Variants in CFAP91 observed in about 807,000 individuals in gnomAD.
The protein encoded by CFAP91 is cilia and flagella associated protein 91.
In CFAP91, 85 loss-of-function variants were observed where a neutral mutation model predicts 95.9. The ratio of observed to expected loss-of-function variants is 0.89; its 90% CI spans 0.74 to 1.06. The LOEUF is 1.06. CFAP91 is among the 50% of genes least tolerant of loss of function. CFAP91 has a pLI of 0.00. For missense variants in CFAP91, 962 were observed against 943.4 expected (o/e 1.02, Z -0.26); for synonymous variants, 335 against 327.5 (o/e 1.02, Z -0.25).
intron 6 of CFAP91, among the ~76,000 whole-genome samples, chr3:119,716,146 T>C (rs1343639065): frequency 6.6e-6 from 1 of 152,246 alleles, no homozygotes; most frequent in Non-Finnish European, 1.5e-5. Context: ...TGCCAAAATA[T>C]CTTAATTTAC....
At chr3:119,736,616 T>C (rs569326126) in intron 10 of CFAP91, among the ~76,000 whole-genome samples, 29 of 152,246 alleles carry the variant, frequency 1.9e-4, no homozygotes, top group Admixed American at 1.8e-3. Flanking sequence ...TTCTGGACAT[T>C]TCATATACAT....
intron 13 of CFAP91, among the ~76,000 whole-genome samples, chr3:119,741,784 A>G (rs1488598938): frequency 6.6e-6 from 1 of 152,198 alleles, no homozygotes; most frequent in Admixed American, 6.5e-5. Context: ...GGAGTCGGGC[A>G]CAAATGGTAA....
chr3:119,704,700 A>G (rs1466982452), intron 1 of CFAP91, among the ~76,000 whole-genome samples: 1 of 152,234 alleles, frequency 6.6e-6, no homozygotes, highest in Non-Finnish European at 1.5e-5. Context: ...CTTTCTATGT[A>G]TAATCAAGCC....
chr3:119,759,011 G>T (rs1041530177), intron 17 of CFAP91, among the ~76,000 whole-genome samples: 1 of 151,924 alleles, frequency 6.6e-6, no homozygotes, highest in East Asian at 1.9e-4. Flanking sequence ...GTGAAAATTT[G>T]TTTTCTCTTT....
chr3:119,759,733 C>T (rs1433537993), intron 17 of CFAP91, among the ~76,000 whole-genome samples: 2 of 151,862 alleles, frequency 1.3e-5, no homozygotes, highest in Non-Finnish European at 2.9e-5. Flanking sequence ...ATTGAAAACA[C>T]ACGTGTTGAG....
At chr3:119,705,236 A>G (rs763947289) in intron 1 of CFAP91, among the ~76,000 whole-genome samples, 1 of 152,274 alleles carries the variant, frequency 6.6e-6, no homozygotes, top group Admixed American at 6.5e-5. Flanking sequence ...AATTTAAGTT[A>G]GAAATTTAAG....
chr3:119,764,754 T>G (rs551868854), intron 17 of CFAP91, among the ~76,000 whole-genome samples: 2 of 152,292 alleles, frequency 1.3e-5, no homozygotes, highest in Non-Finnish European at 2.9e-5. Context: ...AAAAGAGATT[T>G]ACCTTTCTCA....
At chr3:119,752,778 G>A (rs914266001) in intron 17 of CFAP91, among the ~76,000 whole-genome samples, 4 of 152,062 alleles carry the variant, frequency 2.6e-5, no homozygotes, top group African/African-American at 4.8e-5. Flanking sequence ...CTTAGTGAAA[G>A]TAAAATATAT....
chr3:119,708,264 C>CAAA (rs11346330), intron 3 of CFAP91, among the ~76,000 whole-genome samples: 1,884 of 111,788 alleles, frequency 0.017, 19 homozygotes, highest in Middle Eastern at 0.057. Flanking sequence ...GACTCTGTCT[C>CAAA]AAAAAAAAAA....
intron 9 of CFAP91, 116 bp from the exon 10 acceptor site, chr3:119,733,248 C>A: frequency 9.3e-6 from 9 of 968,272 alleles, no homozygotes; most frequent in Non-Finnish European, 1.4e-5. Context: ...ATGAGATACA[C>A]CCTCTCAACA....
intron 15 of CFAP91, 35 bp downstream of exon 15, chr3:119,747,298 G>T: frequency 6.3e-7 from 1 of 1,588,074 alleles, no homozygotes; most frequent in Non-Finnish European, 8.6e-7. Context: ...AGAATGGACA[G>T]CCCATTTGCT....
chr3:119,740,468 C>A, intron 12 of CFAP91, 81 bp from the exon 13 acceptor site: 2 of 1,478,654 alleles, frequency 1.4e-6, no homozygotes, highest in Non-Finnish European at 1.8e-6. Flanking sequence ...AAGTGTCTCA[C>A]AAGTCACTGC....
intron 14 of CFAP91, 70 bp downstream of exon 14, chr3:119,744,266 A>C (rs2054181106): frequency 1.6e-6 from 2 of 1,260,814 alleles, no homozygotes; most frequent in South Asian, 2.9e-5. Context: ...GAAGCTCATG[A>C]CATAAAATGG....
chr3:119,727,877 G>C (rs1480761352), intron 7 of CFAP91, among the ~76,000 whole-genome samples: 1 of 152,172 alleles, frequency 6.6e-6, no homozygotes, highest in Non-Finnish European at 1.5e-5. Context: ...AATAATATCA[G>C]AAGCTATCAG....
At chr3:119,722,979 C>A (rs1251627175) in intron 6 of CFAP91, among the ~76,000 whole-genome samples, 2 of 152,224 alleles carry the variant, frequency 1.3e-5, no homozygotes, top group African/African-American at 4.8e-5. Flanking sequence ...ACTTCTCCCT[C>A]AAATAATTTA....
At chr3:119,747,760 G>T in intron 15 of CFAP91, 51 bp from the exon 16 acceptor site, 1 of 1,484,518 alleles carries the variant, frequency 6.7e-7, no homozygotes, top group Non-Finnish European at 9.3e-7. Context: ...TAAATCAGCA[G>T]CTCAAGTGAA....
intron 6 of CFAP91, chr3:119,715,981 T>C: frequency 1.7e-6 from 1 of 595,024 alleles, no homozygotes; most frequent in East Asian, 2.8e-5. Context: ...CAGCTTAATA[T>C]TGCAGTTGCT....
chr3:119,716,703 C>G (rs964553741), intron 6 of CFAP91, among the ~76,000 whole-genome samples: 1 of 152,212 alleles, frequency 6.6e-6, no homozygotes, highest in Non-Finnish European at 1.5e-5. Context: ...TCTCCTGCCT[C>G]AGTCTCCCGA....
chr3:119,716,205 A>G (rs905783450), intron 6 of CFAP91, among the ~76,000 whole-genome samples: 6 of 152,256 alleles, frequency 3.9e-5, no homozygotes, highest in East Asian at 3.8e-4. Flanking sequence ...ACTTGACATT[A>G]TCTCTGAAAT....
Sources: gnomAD v4.1 joint callset for allele counts (sites outside exome capture counted in the v4.1 genomes callset) on GRCh38, gnomAD v4.1.1 for gene constraint, MANE v1.5 for transcripts, NCBI Gene and HGNC (gene_info 2026-07-23, HGNC 2026-07-21) for gene names.